The following TNNI3K variants were observed in gnomAD, a reference collection of about 807,000 sequenced individuals.
The protein encoded by TNNI3K is TNNI3 interacting kinase, also known as serine/threonine-protein kinase TNNI3K.
Under a neutral mutation model 114.5 loss-of-function variants are expected in TNNI3K, and 140 were observed. That is an observed-to-expected ratio of 1.22 (90% confidence interval 1.07 to 1.41). The LOEUF is 1.41. Among genes scored for constraint, TNNI3K ranks in the 40% most tolerant of loss-of-function variants. The probability of loss-of-function intolerance (pLI) is 0.00; values close to 1 mark genes in which losing one functional copy is unlikely to be tolerated. For synonymous variants in TNNI3K, 347 were observed against 347.5 expected, an observed-to-expected ratio of 1.00 and a Z score of 0.02; for missense variants, 1,125 against 1,007.6, an observed-to-expected ratio of 1.12 and a Z score of -1.58.
rs1242168670 is a variant in TNNI3K at position 74,250,775 on chromosome 1, A to G, written c.333+6A>G. On this transcript the variant is annotated splice_donor_region_variant and intron_variant, in intron 4 of 24. Coordinates refer to ENST00000326637, the MANE Select transcript of TNNI3K (RefSeq NM_015978.3). ...TGCATTTAGCAGTTTACAAGGTAGG[A>G]CACTTTAATTCCCATAAACACTGCA... The G allele has an allele frequency of 7.5e-6, 12 of 1,604,956 alleles. No individual in the cohort carries two copies. Among genetic ancestry groups the G allele is most frequent in the Non-Finnish European group, 1.0e-5 (12 of 1,176,376 alleles).
chr1:74,285,128 G>C (rs1009702785), intron 5 of TNNI3K, among the ~76,000 whole-genome samples: 1 of 152,100 alleles, frequency 6.6e-6, no homozygotes, highest in Non-Finnish European at 1.5e-5. Context: ...TCCTACAATA[G>C]TACCTTGACT....
chr1:74,339,402 A>G (rs1308337490), intron 7 of TNNI3K, among the ~76,000 whole-genome samples: 2 of 152,134 alleles, frequency 1.3e-5, no homozygotes, highest in Admixed American at 6.6e-5. Flanking sequence ...ATGCCAATGG[A>G]CACTGTGCAG....
chr1:74,352,934 G>A (rs925440034), intron 9 of TNNI3K, among the ~76,000 whole-genome samples: 3 of 152,128 alleles, frequency 2.0e-5, no homozygotes, highest in Non-Finnish European at 4.4e-5. Flanking sequence ...GCAATGCCTC[G>A]CCCTACTTCG....
chr1:74,439,544 A>T lies in TNNI3K; in HGVS notation c.1933A>T (p.Lys645Ter). 6.2e-7 allele frequency: 1 copy of T among 1,613,580 alleles called. No homozygotes were observed. Among genetic ancestry groups the T allele is most frequent in the South Asian group, 1.1e-5 (1 of 91,074 alleles). The change falls in exon 20 of 25, where the codon AAA becomes TAA. Residue 645 changes from lysine (K) to a stop codon, truncating the protein, a stop_gained. Transcript: ENST00000326637. LOFTEE classifies it high-confidence loss of function. Reference protein sequence around the residue: ...VFTQCTRYTIKADVFSYALCL... With the variant: ...VFTQCTRYTI Reference sequence around the variant, plus strand: ...CACGCAGTGCACTCGGTACACCATCAAAGCAGATGTCTTCAGCTATGCTCT... The same window carrying T: ...CACGCAGTGCACTCGGTACACCATCTAAGCAGATGTCTTCAGCTATGCTCT...
Position 74,336,143 on chromosome 1 carries a change from G to A in TNNI3K, c.676G>A (p.Ala226Thr). ...ACTCTTGATGGAAGAAGGCAGCAAA[G>A]CAGATGGTAAGATTATATATTTAAA... is the stretch of plus-strand genomic sequence containing the variant. ...AKLLMEEGSK[A>T]DVNAQDNEDH... The change falls in exon 7 of 25, where the codon GCA becomes ACA. Residue 226 changes from alanine (A) to threonine (T), a missense_variant. Physicochemically the swap from Ala to Thr is moderately conservative, Grantham distance 58. Transcript: ENST00000326637. 1.2e-6 allele frequency: 2 copies of A among 1,600,622 alleles called. No individual in the cohort carries two copies. The highest frequency in any genetic ancestry group is 1.7e-6 in the Non-Finnish European group (2 of 1,176,326).
At chr1:74,276,615 G>T (rs897289326) in intron 5 of TNNI3K, among the ~76,000 whole-genome samples, 1 of 152,038 alleles carries the variant, frequency 6.6e-6, no homozygotes, top group African/African-American at 2.4e-5. Context: ...AGCAGAAATA[G>T]CAACGGATCA....
chr1:74,305,173 C>A (rs1030285173), intron 5 of TNNI3K, among the ~76,000 whole-genome samples: 3 of 152,042 alleles, frequency 2.0e-5, no homozygotes, highest in Non-Finnish European at 4.4e-5. Flanking sequence ...GGACCATATT[C>A]ATGTATTGTG....
intron 17 of TNNI3K, among the ~76,000 whole-genome samples, chr1:74,400,220 T>G (rs1187861289): frequency 6.6e-6 from 1 of 152,178 alleles, no homozygotes; most frequent in East Asian, 1.9e-4. Flanking sequence ...AGGGATCCCA[T>G]GGGATGGTTA....
intron 5 of TNNI3K, among the ~76,000 whole-genome samples, chr1:74,280,460 C>A (rs932219973): frequency 1.3e-5 from 2 of 152,138 alleles, no homozygotes; most frequent in African/African-American, 4.8e-5. Flanking sequence ...TACCTAAACT[C>A]TTCCCCACCT....
intron 11 of TNNI3K, among the ~76,000 whole-genome samples, chr1:74,363,591 G>A (rs1038846890): frequency 4.6e-5 from 7 of 152,076 alleles, no homozygotes; most frequent in Non-Finnish European, 1.0e-4. Flanking sequence ...CAGGATTCAG[G>A]ATGCAACTTT....
At chr1:74,279,109 A>T (rs1053997218) in intron 5 of TNNI3K, among the ~76,000 whole-genome samples, 1 of 152,180 alleles carries the variant, frequency 6.6e-6, no homozygotes, top group Non-Finnish European at 1.5e-5. Flanking sequence ...ACTTCTAGTC[A>T]CAAAAATGTG....
At chr1:74,515,572 G>T (rs151290968) in intron 23 of TNNI3K, among the ~76,000 whole-genome samples, 56 of 152,314 alleles carry the variant, frequency 3.7e-4, no homozygotes, top group African/African-American at 1.3e-3. Flanking sequence ...TAGGGCAGAA[G>T]TCAGGAAGAG....
intron 17 of TNNI3K, among the ~76,000 whole-genome samples, chr1:74,380,988 A>C (rs1171012927): frequency 6.6e-6 from 1 of 152,164 alleles, no homozygotes; most frequent in African/African-American, 2.4e-5. Context: ...TTTCTAATTG[A>C]ATTTCCAAGA....
intron 21 of TNNI3K, among the ~76,000 whole-genome samples, chr1:74,474,221 G>A (rs1215589267): frequency 6.6e-6 from 1 of 152,050 alleles, no homozygotes; most frequent in East Asian, 1.9e-4. Flanking sequence ...TGAAATGAAA[G>A]ATCTGCCTAA....
At chr1:74,383,144 G>A (rs891863804) in intron 17 of TNNI3K, among the ~76,000 whole-genome samples, 1 of 151,762 alleles carries the variant, frequency 6.6e-6, no homozygotes, top group South Asian at 2.1e-4. Flanking sequence ...GATATGGGTG[G>A]CCTTGCAGGC....
chr1:74,409,860 TTTA>T (rs1664802327), intron 17 of TNNI3K, among the ~76,000 whole-genome samples: 2 of 152,116 alleles, frequency 1.3e-5, no homozygotes, highest in African/African-American at 2.4e-5. Context: ...TTTTATATTT[TTTA>T]TTATTATTCT....
chr1:74,454,868 T>C (rs1370641547), intron 20 of TNNI3K, among the ~76,000 whole-genome samples: 1 of 152,154 alleles, frequency 6.6e-6, no homozygotes, highest in Non-Finnish European at 1.5e-5. Context: ...TTTCTTTGCA[T>C]CCTCACAAGC....
intron 17 of TNNI3K, among the ~76,000 whole-genome samples, chr1:74,393,018 A>T (rs1663872099): frequency 6.6e-6 from 1 of 152,202 alleles, no homozygotes; most frequent in South Asian, 2.1e-4. Flanking sequence ...GAAGACACAG[A>T]ACATGTGGTA....
At chr1:74,495,168 G>T (rs1472464914) in intron 23 of TNNI3K, among the ~76,000 whole-genome samples, 1 of 152,164 alleles carries the variant, frequency 6.6e-6, no homozygotes, top group Non-Finnish European at 1.5e-5. Context: ...GTATCTGTCT[G>T]CTAGGTGCAA....
Sources: allele counts gnomAD v4.1 joint callset (sites outside exome capture counted in the v4.1 genomes callset), GRCh38; gene constraint gnomAD v4.1.1; transcripts MANE v1.5; gene names NCBI Gene and HGNC (gene_info 2026-07-23, HGNC 2026-07-21).